Variants in NWD1 observed in about 807,000 individuals in gnomAD.
The protein encoded by NWD1 is NACHT and WD repeat domain containing 1.
NWD1 carries 129 observed loss-of-function variants against 135.1 expected under a neutral mutation model. The observed-to-expected ratio is 0.96, with a 90% CI of 0.83 to 1.11. The LOEUF (loss-of-function observed/expected upper bound fraction) is 1.11. Among genes scored for constraint, NWD1 ranks in the 50% least tolerant of loss-of-function variants. NWD1 has a pLI of 0.00. For missense variants in NWD1, 1,740 were observed against 1,851.3 expected (o/e 0.94, Z 1.10); for synonymous variants, 773 against 786.0 (o/e 0.98, Z 0.28).
chr19:16,746,676 C>A (rs7246962), intron 5 of NWD1, among the ~76,000 whole-genome samples: 5,088 of 109,578 alleles, frequency 0.046, 153 homozygotes, highest in African/African-American at 0.13. Context: ...TGTCTAAAAA[C>A]AAAAAACAAA....
At chr19:16,764,363 CCA>C (rs1491038568) in intron 9 of NWD1, among the ~76,000 whole-genome samples, 12 of 49,580 alleles carry the variant, frequency 2.4e-4, no homozygotes, top group African/African-American at 1.1e-3. Context: ...CATCTTCTGT[CCA>C]TCCATCCATC....
Position 16,734,274 on chromosome 19 carries a change from C to T in NWD1, c.82-2360C>T, listed in dbSNP as rs184905554. ...TTTTAAAAAAGCTTTTCTGTCAGGG[C>T]GAGGTGGCTCATGCCTGTAATCCCA... On this transcript the variant is annotated intron_variant, in intron 3 of 18. Transcript: ENST00000524140. Among the ~76,000 whole-genome samples the T allele has an allele frequency of 8.5e-4, 130 of 152,200 alleles. 1 individual carries two copies. Among genetic ancestry groups the T allele is most frequent in the African/African-American group, 3.0e-3 (125 of 41,552 alleles).
chr19:16,724,718 A>T (rs1043459343), intron 2 of NWD1, among the ~76,000 whole-genome samples: 1 of 152,108 alleles, frequency 6.6e-6, no homozygotes, highest in Non-Finnish European at 1.5e-5. Flanking sequence ...TTTGAGACGA[A>T]GTTTCGCTCC....
intron 1 of NWD1, among the ~76,000 whole-genome samples, chr19:16,722,236 C>CT (rs2122652660): frequency 6.6e-6 from 1 of 151,480 alleles, no homozygotes; most frequent in Admixed American, 6.6e-5. Flanking sequence ...GAGATGGAGG[C>CT]TGCAGTGAGC....
At chr19:16,774,125 C>G (rs1308371864) in intron 11 of NWD1, among the ~76,000 whole-genome samples, 1 of 151,092 alleles carries the variant, frequency 6.6e-6, no homozygotes, top group African/African-American at 2.4e-5. Flanking sequence ...TCTCTGCCAC[C>G]CTTCCATCCA....
intron 15 of NWD1, among the ~76,000 whole-genome samples, chr19:16,796,282 T>C (rs908872388): frequency 1.3e-5 from 2 of 152,014 alleles, no homozygotes; most frequent in African/African-American, 4.8e-5. Context: ...ATGATCATGG[T>C]GAAACCCTGT....
intron 10 of NWD1, among the ~76,000 whole-genome samples, chr19:16,769,025 C>T (rs1481071056): frequency 6.6e-6 from 1 of 152,180 alleles, no homozygotes. Context: ...TTCCATACAG[C>T]ACTCAGAAGA....
intron 14 of NWD1, among the ~76,000 whole-genome samples, chr19:16,793,684 C>T (rs1360523759): frequency 6.6e-6 from 1 of 151,450 alleles, no homozygotes; most frequent in Admixed American, 6.6e-5. Context: ...TCAAGCGATT[C>T]TCCTGCCTCC....
Position 16,742,272 on chromosome 19 carries a change from G to A in NWD1, c.199-2149G>A, listed in dbSNP as rs561068819. ...CGCCTGTAATCCCAGCTACTCAGGA[G>A]GCTGAGGCCGGAGAATCACTTGAAC... On this transcript the variant is annotated intron_variant, in intron 4 of 18. Transcript: ENST00000524140. Among the ~76,000 whole-genome samples the A allele has an allele frequency of 3.7e-4, 56 of 151,892 alleles. 1 individual carries two copies. Among genetic ancestry groups the A allele is most frequent in the African/African-American group, 1.2e-3 (50 of 41,424 alleles).
Position 16,789,053 on chromosome 19 carries a change from C to G in NWD1, c.2803C>G (p.His935Asp), listed in dbSNP as rs114371613. The G allele has an allele frequency of 1.2e-6, 2 of 1,613,318 alleles. No homozygotes were observed. Among genetic ancestry groups the G allele is most frequent in the African/African-American group, 2.7e-5 (2 of 74,990 alleles). ...ANSASKDYTL[H>D]LWNLLSGQEK... Reference sequence around the variant, plus strand: ...CTCTGCTTCAAAGGATTACACGCTGCACTTGTGGAACTTACTCTCTGGCCA... The same window carrying G: ...CTCTGCTTCAAAGGATTACACGCTGGACTTGTGGAACTTACTCTCTGGCCA... Residue 935 changes from histidine to aspartate, a missense_variant, in exon 13 of 19, where the codon CAC becomes GAC. Transcript: ENST00000524140.
At chr19:16,772,612 C>T (rs1969454981) in intron 10 of NWD1, among the ~76,000 whole-genome samples, 1 of 152,046 alleles carries the variant, frequency 6.6e-6, no homozygotes, top group Non-Finnish European at 1.5e-5. Flanking sequence ...CACCATTGCA[C>T]TCCAACCTAG....
chr19:16,743,806 C>T (rs1968188370), intron 4 of NWD1, among the ~76,000 whole-genome samples: 1 of 152,050 alleles, frequency 6.6e-6, no homozygotes, highest in African/African-American at 2.4e-5. Flanking sequence ...CCTCAGCCTC[C>T]CAAGTAGCTG....
intron 10 of NWD1, among the ~76,000 whole-genome samples, chr19:16,769,548 C>T (rs2122930144): frequency 6.6e-6 from 1 of 152,112 alleles, no homozygotes; most frequent in South Asian, 2.1e-4. Context: ...ATGACCTTTC[C>T]AGTACTGTAG....
chr19:16,749,740 A>G lies in NWD1; in HGVS notation c.1098A>G (p.Thr366=), dbSNP rs1339084518. 5.0e-6 allele frequency: 8 copies of G among 1,607,226 alleles called. No individual in the cohort carries two copies. Among genetic ancestry groups the G allele is most frequent in the Non-Finnish European group, 6.0e-6 (7 of 1,176,198 alleles). The change falls in exon 6 of 19, where the codon ACA becomes ACG. Residue 366 remains threonine, a synonymous_variant. Transcript: ENST00000524140. ...TGCCAAGGCTGCTGGGGCACAAGAC[A>G]GTGACCGTCCTGCGGCTGCTGGGGA... ...EQMPRLLGHK[T]VTVLRLLGTS... is the part of the protein sequence containing the mutation.
At chr19:16,743,285 A>G (rs1353693027) in intron 4 of NWD1, among the ~76,000 whole-genome samples, 2 of 151,464 alleles carry the variant, frequency 1.3e-5, no homozygotes, top group East Asian at 2.0e-4. Flanking sequence ...ATCACAGCTC[A>G]CTGCAGCCTC....
At chr19:16,797,472 A>G (rs757519091) in intron 15 of NWD1, among the ~76,000 whole-genome samples, 1 of 151,696 alleles carries the variant, frequency 6.6e-6, no homozygotes, top group Non-Finnish European at 1.5e-5. Flanking sequence ...CTGGGATTAC[A>G]TGCATGTGCC....
intron 6 of NWD1, among the ~76,000 whole-genome samples, chr19:16,751,375 AAG>A (rs1319296602): frequency 6.6e-6 from 1 of 151,818 alleles, no homozygotes; most frequent in Non-Finnish European, 1.5e-5. Context: ...GAGAGAGAGA[AAG>A]AGGGAAGAAA....
intron 18 of NWD1, among the ~76,000 whole-genome samples, chr19:16,809,168 C>A (rs942643152): frequency 3.1e-4 from 47 of 151,898 alleles, no homozygotes; most frequent in African/African-American, 1.1e-3. Flanking sequence ...CAGCTCACTG[C>A]AGCCTCCCGG....
intron 13 of NWD1, among the ~76,000 whole-genome samples, chr19:16,790,954 G>A (rs1488838853): frequency 3.9e-5 from 6 of 152,016 alleles, no homozygotes; most frequent in African/African-American, 9.7e-5. Flanking sequence ...TGCATAGGCC[G>A]GGTGCAGTGG....
Sources: allele counts gnomAD v4.1 joint callset (sites outside exome capture counted in the v4.1 genomes callset), GRCh38; gene constraint gnomAD v4.1.1; transcripts MANE v1.5; gene names NCBI Gene and HGNC (gene_info 2026-07-23, HGNC 2026-07-21).